ACIN1: variants seen among roughly 807,000 people sequenced by gnomAD.
ACIN1 encodes the protein apoptotic chromatin condensation inducer in the nucleus.
Under a neutral mutation model 146.6 loss-of-function variants are expected in ACIN1, and 16 were observed. The ratio of observed to expected loss-of-function variants is 0.11; its 90% CI spans 0.07 to 0.17. The LOEUF is 0.17. ACIN1 is among the 10% of genes least tolerant of loss of function. The probability of loss-of-function intolerance (pLI) is 1.00; values close to 1 mark genes in which losing one functional copy is unlikely to be tolerated. For synonymous variants in ACIN1, 569 were observed against 582.7 expected (o/e 0.98, Z 0.34); for missense variants, 1,357 against 1,609.3 (o/e 0.84, Z 2.68).
intron 3 of ACIN1, 38 bp from the exon 4 acceptor site, chr14:23,090,139 G>C: frequency 6.2e-7 from 1 of 1,601,760 alleles, no homozygotes; most frequent in Non-Finnish European, 8.5e-7. Context: ...GGGAGGGAGT[G>C]AAGGACTCAG....
At position 23,079,481 on chromosome 14, in the gene ACIN1, G is replaced by A; in HGVS notation, c.1788+66C>T. On this transcript the variant is annotated intron_variant, in intron 6 of 18. Transcript: ENST00000605057. ...TCAGAAATCATGACAGGCTCTCCAGGGGCTGAAATGAAAACCACTGGAATA... is the reference window on the plus strand; with the variant it reads ...TCAGAAATCATGACAGGCTCTCCAGAGGCTGAAATGAAAACCACTGGAATA... 4 of 1,570,478 alleles carry A rather than the reference G, an allele frequency of 2.5e-6. No homozygotes were observed. In the Middle Eastern group the frequency reaches 5.1e-4, roughly 202 times the overall value.
Position 23,079,930 on chromosome 14 carries a change from G to C in ACIN1, c.1405C>G (p.Gln469Glu). The change falls in exon 6 of 19, where the codon CAG becomes GAG. Residue 469 changes from glutamine to glutamate, a missense_variant. By Grantham distance (29) the Gln-to-Glu change is conservative. This residue lies in a region of ACIN1 where 771 missense variants were observed against 746.6 expected (regional missense o/e 1.03). Coordinates refer to ENST00000605057, the MANE Select transcript of ACIN1 (RefSeq NM_001386863.1). Reference protein sequence around the residue: ...DLEPESDRSAQPLPLKIEELA... With the variant: ...DLEPESDRSAEPLPLKIEELA... ...TCCTCAATTTTTAGAGGGAGGGGCTGAGCAGATCTGTCTGACTCAGGTTCA... is the reference window on the plus strand; with the variant it reads ...TCCTCAATTTTTAGAGGGAGGGGCTCAGCAGATCTGTCTGACTCAGGTTCA... The C allele has an allele frequency of 6.2e-7, 1 of 1,614,186 alleles. No individual in the cohort carries two copies. The highest frequency in any genetic ancestry group is 8.5e-7 in the Non-Finnish European group (1 of 1,180,050).
At position 23,058,957 on chromosome 14, in the gene ACIN1, G is replaced by A; in HGVS notation, c.*191C>T. 2 of 597,138 alleles carry A rather than the reference G, an allele frequency of 3.3e-6. No individual in the cohort carries two copies. Among genetic ancestry groups the A allele is most frequent in the African/African-American group, 1.9e-5 (1 of 54,050 alleles). 37.0% of individuals were successfully genotyped at this position (597,138 alleles called of 1,614,324 possible). A position where few individuals can be genotyped will look rare whatever the true frequency, so the allele number is the denominator to read the frequency against. ...GAAATGAGAGGGAGGGTCGGGCTAA[G>A]TCCCAAGAGATAGGTTAAGGGGGTG... On this transcript the variant is annotated 3_prime_UTR_variant, in exon 19 of 19. Transcript: ENST00000605057.
intron 8 of ACIN1, chr14:23,071,203 A>C: frequency 6.6e-7 from 1 of 1,520,610 alleles, no homozygotes; most frequent in Non-Finnish European, 8.8e-7. Flanking sequence ...TGGAAGAAAT[A>C]ACAAAAACCA....
chr14:23,079,988 G>A lies in ACIN1; in HGVS notation c.1347C>T (p.Ser449=), dbSNP rs763120055. The change falls in exon 6 of 19, where the codon AGC becomes AGT. Residue 449 remains serine, a synonymous_variant. Transcript: ENST00000605057. ...TCTGGGCTGAGTAGTCAGCCAGTGTGCTTTTCTGAACCAGAGGCAGGACAC... is the reference window on the plus strand; with the variant it reads ...TCTGGGCTGAGTAGTCAGCCAGTGTACTTTTCTGAACCAGAGGCAGGACAC... ...EESVLPLVQK[S]TLADYSAQKD... 5 of 1,614,074 alleles carry A rather than the reference G, an allele frequency of 3.1e-6. No individual in the cohort carries two copies. Among genetic ancestry groups the A allele is most frequent in the South Asian group, 1.1e-5 (1 of 91,078 alleles).
At chr14:23,094,749 G>A (rs1232328427) in intron 1 of ACIN1, 2 of 728,952 alleles carry the variant, frequency 2.7e-6, no homozygotes, top group East Asian at 2.7e-5. Flanking sequence ...GGAGAGTAGT[G>A]CACACCCTCC....
chr14:23,072,828 G>T (rs2047698251), intron 8 of ACIN1, among the ~76,000 whole-genome samples: 1 of 152,212 alleles, frequency 6.6e-6, no homozygotes, highest in Non-Finnish European at 1.5e-5. Context: ...TCTGCTCAGG[G>T]TTAAGAGTGA....
At chr14:23,094,782 G>T in intron 1 of ACIN1, 193 bp downstream of exon 1, 1 of 900,386 alleles carries the variant, frequency 1.1e-6, no homozygotes, top group Non-Finnish European at 1.6e-6. Flanking sequence ...CGCTGCTGCC[G>T]TTAAGGCGGG....
chr14:23,066,050 A>G (rs777916196), intron 9 of ACIN1, 42 bp from the exon 10 acceptor site: 2 of 1,575,298 alleles, frequency 1.3e-6, no homozygotes, highest in Non-Finnish European at 1.7e-6. Flanking sequence ...AGAAAGAGAG[A>G]CACCCCACAG....
Position 23,058,684 on chromosome 14 carries a change from A to G in ACIN1, c.*464T>C. On this transcript the variant is annotated 3_prime_UTR_variant, in exon 19 of 19. Transcript: ENST00000605057. Reference sequence around the variant, plus strand: ...GGATATAAAGTGGAACCTGTGGGAAAGAGGCAAGGGCTGCAGGACAGAAGA... The same window carrying G: ...GGATATAAAGTGGAACCTGTGGGAAGGAGGCAAGGGCTGCAGGACAGAAGA... The G allele has an allele frequency of 5.9e-6, 1 of 168,912 alleles. No individual in the cohort carries two copies. Among genetic ancestry groups the G allele is most frequent in the Non-Finnish European group, 1.3e-5 (1 of 79,064 alleles). The allele number at this position is 168,912 out of a possible 1,614,324, so 10.5% of individuals were successfully genotyped here.
intron 4 of ACIN1, among the ~76,000 whole-genome samples, chr14:23,087,181 G>C (rs1171508078): frequency 6.6e-6 from 1 of 152,208 alleles, no homozygotes; most frequent in Non-Finnish European, 1.5e-5. Context: ...GGCAGACTGA[G>C]ATTCTATACC....
At chr14:23,083,884 A>G (rs2048015845) in intron 4 of ACIN1, among the ~76,000 whole-genome samples, 1 of 152,224 alleles carries the variant, frequency 6.6e-6, no homozygotes, top group African/African-American at 2.4e-5. Context: ...ACACAAAACC[A>G]TGTTGTATAG....
chr14:23,059,123 A>G lies in ACIN1; in HGVS notation c.*25T>C, dbSNP rs776639359. On this transcript the variant is annotated 3_prime_UTR_variant, in exon 19 of 19. Coordinates refer to ENST00000605057, the MANE Select transcript of ACIN1 (RefSeq NM_001386863.1). ...AACCCCCTGGGGCCGAGTGGCTGGT[A>G]CCTGCAGCTCTAGTGTTTTCCCAGC... 6.2e-7 allele frequency: 1 copy of G among 1,604,268 alleles called. No individual in the cohort carries two copies.
intron 1 of ACIN1, chr14:23,094,765 G>C: frequency 1.3e-6 from 1 of 780,364 alleles, no homozygotes. Flanking sequence ...CCTCCCATTT[G>C]GGCTCGCGCT....
Position 23,079,931 on chromosome 14 carries a change from A to G in ACIN1, c.1404T>C (p.Ala468=), listed in dbSNP as rs756028097. The G allele has an allele frequency of 4.3e-6, 7 of 1,614,112 alleles. No homozygotes were observed. The South Asian group carries it at 6.6e-5, about 15-fold the overall frequency. ...CCTCAATTTTTAGAGGGAGGGGCTG[A>G]GCAGATCTGTCTGACTCAGGTTCAA... The part of the protein sequence containing the change: ...KDLEPESDRS[A]QPLPLKIEEL... Residue 468 remains alanine (A), a synonymous_variant, in exon 6 of 19, where the codon GCT becomes GCC. Coordinates refer to ENST00000605057, the MANE Select transcript of ACIN1 (RefSeq NM_001386863.1).
chr14:23,070,203 TG>T (rs1228167773), intron 8 of ACIN1, among the ~76,000 whole-genome samples: 1 of 1,472 alleles, frequency 6.8e-4, no homozygotes, highest in African/African-American at 2.3e-3. Flanking sequence ...TGGTGGGGGG[TG>T]GGGGGTGCGG....
At chr14:23,083,446 T>C (rs889082757) in intron 4 of ACIN1, among the ~76,000 whole-genome samples, 1 of 152,094 alleles carries the variant, frequency 6.6e-6, no homozygotes, top group African/African-American at 2.4e-5. Flanking sequence ...TAAGATCAAC[T>C]AGGCGGCCGG....
rs1382324912 is a variant in ACIN1, at chr14:23,079,769, C to A, written c.1566G>T (p.Arg522=). The A allele has an allele frequency of 6.2e-7, 1 of 1,614,002 alleles. No homozygotes were observed. The highest frequency in any genetic ancestry group is 8.5e-7 in the Non-Finnish European group (1 of 1,180,034). The part of the protein sequence containing the change: ...LKQSADSSSS[R]SSSSSSSSSR... ...AACTGGAGGAGGAAGATGAGGAGGA[C>A]CGGCTAGAGGATGAATCAGCTGACT... The change falls in exon 6 of 19, where the codon CGG becomes CGT. Residue 522 remains arginine (R), a synonymous_variant. Transcript: ENST00000605057.
At chr14:23,063,325 CG>C in intron 13 of ACIN1, 110 bp downstream of exon 13, 2 of 1,393,966 alleles carry the variant, frequency 1.4e-6, no homozygotes, top group South Asian at 1.4e-5. Context: ...ATATGATATA[CG>C]AAAAAATATA....
Sources: gnomAD v4.1 joint callset for allele counts (sites outside exome capture counted in the v4.1 genomes callset) on GRCh38, gnomAD v4.1.1 for gene constraint, gnomAD v4.1.1 regional missense constraint, MANE v1.5 for transcripts, NCBI Gene and HGNC (gene_info 2026-07-23, HGNC 2026-07-21) for gene names.